Variants in POU6F2 observed in about 807,000 individuals in gnomAD.
POU6F2 encodes the protein POU class 6 homeobox 2.
A neutral mutation model predicts 71.3 loss-of-function variants in POU6F2; 31 were observed. That is an observed-to-expected ratio of 0.43 (90% CI 0.33 to 0.59). The LOEUF (loss-of-function observed/expected upper bound fraction) is 0.59, where lower values mean the gene tolerates loss of function less well. POU6F2 is among the 20% of genes least tolerant of loss of function. The probability of loss-of-function intolerance (pLI) is 0.04; values close to 1 mark genes in which losing one functional copy is unlikely to be tolerated. For missense variants in POU6F2, 783 were observed against 856.8 expected, an observed-to-expected ratio of 0.91 and a Z score of 1.07; for synonymous variants, 347 against 355.7, an observed-to-expected ratio of 0.98 and a Z score of 0.27.
At chr7:39,276,139 C>T (rs1271898114) in intron 4 of POU6F2, among the ~76,000 whole-genome samples, 7 of 151,752 alleles carry the variant, frequency 4.6e-5, no homozygotes, top group South Asian at 4.2e-4. Context: ...AGAAAATTTT[C>T]GCAACCTACT....
chr7:39,439,916 G>T (rs1384431247), intron 7 of POU6F2, among the ~76,000 whole-genome samples: 2 of 152,116 alleles, frequency 1.3e-5, no homozygotes, highest in Non-Finnish European at 2.9e-5. Flanking sequence ...GTCTGGAAAT[G>T]ATTTTATTTC....
In POU6F2 at chr7:39,144,272, A is replaced by G. The variant is rs149795394; in HGVS notation, c.277+58241A>G. ...GAGATCTTATCATCATATATAGGAA[A>G]TAAAACCATGTTGGACTGGAAGAGT... is the stretch of plus-strand genomic sequence containing the variant. On this transcript the variant is annotated intron_variant, in intron 2 of 9. Coordinates refer to ENST00000518318, the MANE Select transcript of POU6F2 (RefSeq NM_001370959.1). 2.6e-4 allele frequency among the ~76,000 whole-genome samples: 39 copies of G among 152,348 alleles called. No individual in the cohort carries two copies. In the East Asian group the frequency reaches 7.1e-3, roughly 28 times the overall value.
chr7:39,237,327 T>A (rs909640604), intron 4 of POU6F2, among the ~76,000 whole-genome samples: 4 of 152,194 alleles, frequency 2.6e-5, no homozygotes, highest in African/African-American at 9.6e-5. Flanking sequence ...TTCCCCTGCC[T>A]GTCAATGCAA....
intron 4 of POU6F2, among the ~76,000 whole-genome samples, chr7:39,223,324 T>C (rs756936506): frequency 6.6e-6 from 1 of 152,194 alleles, no homozygotes; most frequent in Non-Finnish European, 1.5e-5. Flanking sequence ...ATTACGGTAT[T>C]TATATAATTG....
chr7:39,296,714 G>C (rs937193070), intron 4 of POU6F2, among the ~76,000 whole-genome samples: 1 of 152,196 alleles, frequency 6.6e-6, no homozygotes, highest in African/African-American at 2.4e-5. Context: ...CCCCAGAGGG[G>C]AACAGATGTA....
chr7:39,184,536 C>T (rs1312756721), intron 2 of POU6F2, among the ~76,000 whole-genome samples: 2 of 152,198 alleles, frequency 1.3e-5, no homozygotes, highest in Non-Finnish European at 2.9e-5. Context: ...GACACAGTCT[C>T]AGCCCTGGTA....
intron 1 of POU6F2, among the ~76,000 whole-genome samples, chr7:38,999,378 C>T (rs1413955108): frequency 6.6e-6 from 1 of 152,138 alleles, no homozygotes; most frequent in Admixed American, 6.5e-5. Context: ...TTCATAAAGG[C>T]ATGATCCAAG....
chr7:39,140,686 A>T (rs967107063), intron 2 of POU6F2, among the ~76,000 whole-genome samples: 3 of 152,158 alleles, frequency 2.0e-5, no homozygotes, highest in South Asian at 4.1e-4. Flanking sequence ...TCTTAACTTT[A>T]TCACATCTGC....
At chr7:39,110,573 G>A (rs1791786887) in intron 2 of POU6F2, among the ~76,000 whole-genome samples, 1 of 152,022 alleles carries the variant, frequency 6.6e-6, no homozygotes, top group South Asian at 2.1e-4. Flanking sequence ...TTATTGTTTG[G>A]TTGATTGTCT....
chr7:39,397,378 CAAAT>C (rs1396721116), intron 5 of POU6F2, among the ~76,000 whole-genome samples: 3 of 143,440 alleles, frequency 2.1e-5, no homozygotes, highest in African/African-American at 5.2e-5. Flanking sequence ...TATAGAGAGA[CAAAT>C]ATATATAGAC....
At chr7:39,004,653 C>A (rs946234904) in intron 1 of POU6F2, among the ~76,000 whole-genome samples, 2 of 152,146 alleles carry the variant, frequency 1.3e-5, no homozygotes, top group African/African-American at 4.8e-5. Context: ...ACAGTTTAAC[C>A]TGGAAAGTTG....
intron 2 of POU6F2, among the ~76,000 whole-genome samples, chr7:39,184,671 A>G (rs1182459619): frequency 6.6e-6 from 1 of 152,130 alleles, no homozygotes; most frequent in Non-Finnish European, 1.5e-5. Context: ...TGGGTGGGGC[A>G]CTCATGCTCA....
chr7:39,232,899 G>T (rs1361559504), intron 4 of POU6F2, among the ~76,000 whole-genome samples: 1 of 152,118 alleles, frequency 6.6e-6, no homozygotes, highest in Non-Finnish European at 1.5e-5. Flanking sequence ...CTCTCTCAAG[G>T]ACATCTACAG....
intron 2 of POU6F2, among the ~76,000 whole-genome samples, chr7:39,186,986 T>G (rs1399626042): frequency 6.6e-6 from 1 of 152,238 alleles, no homozygotes; most frequent in Non-Finnish European, 1.5e-5. Context: ...TGCCTACTAA[T>G]GTGATCGCCA....
In POU6F2 at chr7:39,207,453, C is replaced by T; in HGVS notation, c.431C>T (p.Pro144Leu). ...AVAGVMPGGP[P>L]ALNQPILIPF... ...GCCGGCGTGATGCCGGGAGGCCCCC[C>T]AGCCCTCAACCAGCCAATCCTCATT... The change falls in exon 4 of 10, where the codon CCA becomes CTA. Residue 144 changes from proline (P) to leucine (L), a missense_variant. Pro to Leu is a moderately conservative substitution (Grantham distance 98, BLOSUM62 -3). Coordinates refer to ENST00000518318, the MANE Select transcript of POU6F2 (RefSeq NM_001370959.1). The T allele has an allele frequency of 6.2e-7, 1 of 1,614,036 alleles. No homozygotes were observed. Among genetic ancestry groups the T allele is most frequent in the Non-Finnish European group, 8.5e-7 (1 of 1,179,880 alleles).
At chr7:39,232,949 G>T (rs1425008760) in intron 4 of POU6F2, among the ~76,000 whole-genome samples, 3 of 152,116 alleles carry the variant, frequency 2.0e-5, no homozygotes, top group Non-Finnish European at 1.5e-5. Flanking sequence ...TTCTCTCCAG[G>T]ACTATTCCTT....
At chr7:39,009,304 T>C (rs1789187221) in intron 1 of POU6F2, among the ~76,000 whole-genome samples, 1 of 151,910 alleles carries the variant, frequency 6.6e-6, no homozygotes, top group Non-Finnish European at 1.5e-5. Context: ...GGGAATTCAC[T>C]CATGATTTGG....
At chr7:39,411,884 A>G (rs1787557354) in intron 6 of POU6F2, among the ~76,000 whole-genome samples, 2 of 152,252 alleles carry the variant, frequency 1.3e-5, no homozygotes, top group African/African-American at 4.8e-5. Context: ...CACCACCAGC[A>G]TCATAGATGG....
chr7:39,399,821 G>C (rs1472606453), intron 5 of POU6F2, among the ~76,000 whole-genome samples: 1 of 151,016 alleles, frequency 6.6e-6, no homozygotes, highest in African/African-American at 2.4e-5. Context: ...CAGGACTCCA[G>C]CCTGGGCAAC....
Sources: gnomAD v4.1 joint callset for allele counts (sites outside exome capture counted in the v4.1 genomes callset) on GRCh38, gnomAD v4.1.1 for gene constraint, MANE v1.5 for transcripts, NCBI Gene and HGNC (gene_info 2026-07-23, HGNC 2026-07-21) for gene names.